Variants in ANKS1B observed in about 807,000 individuals in gnomAD.
ANKS1B encodes ankyrin repeat and sterile alpha motif domain-containing protein 1B.
A neutral mutation model predicts 148.3 loss-of-function variants in ANKS1B; 36 were observed. The observed-to-expected ratio is 0.24, with a 90% CI of 0.19 to 0.32. ANKS1B has a LOEUF of 0.32. Ranked by LOEUF, ANKS1B falls within the 10% of genes least tolerant of loss-of-function variation. The pLI is 1.00. For missense variants in ANKS1B, 1,157 were observed against 1,542.6 expected, an observed-to-expected ratio of 0.75 and a Z score of 4.19; for synonymous variants, 542 against 560.8, an observed-to-expected ratio of 0.97 and a Z score of 0.47.
chr12:98,773,536 C>T (rs1017008697), intron 24 of ANKS1B, among the ~76,000 whole-genome samples: 1 of 152,000 alleles, frequency 6.6e-6, no homozygotes, highest in Non-Finnish European at 1.5e-5. Flanking sequence ...CTCACTGCAG[C>T]CTCCCGCTCC....
At chr12:99,864,956 G>A (rs56102136) in intron 1 of ANKS1B, among the ~76,000 whole-genome samples, 30,569 of 152,054 alleles carry the variant, frequency 0.2, 3,334 homozygotes, top group Non-Finnish European at 0.25. Flanking sequence ...GACAAATGAG[G>A]GTGACCTCAC....
intron 22 of ANKS1B, chr12:98,794,471 C>CA (rs1322320328): frequency 2.5e-6 from 1 of 397,430 alleles, no homozygotes; most frequent in African/African-American, 2.1e-5. Flanking sequence ...GATGGGGACC[C>CA]ATGGGGGTTC....
At chr12:99,745,549 A>C (rs2060514591) in intron 8 of ANKS1B, among the ~76,000 whole-genome samples, 1 of 152,182 alleles carries the variant, frequency 6.6e-6, no homozygotes, top group Non-Finnish European at 1.5e-5. Context: ...TACAAACAGC[A>C]GCCTCAATTT....
At chr12:99,337,014 T>C (rs2089027199) in intron 12 of ANKS1B, among the ~76,000 whole-genome samples, 1 of 152,200 alleles carries the variant, frequency 6.6e-6, no homozygotes, top group East Asian at 1.9e-4. Flanking sequence ...CTTGGTATTC[T>C]ATCACTTTTT....
At chr12:99,352,115 C>T (rs987198628) in intron 12 of ANKS1B, 1 of 151,846 alleles carries the variant, frequency 6.6e-6, no homozygotes, top group South Asian at 2.1e-4. Flanking sequence ...ATGAAAAGTA[C>T]AATTTCTTCT....
intron 14 of ANKS1B, among the ~76,000 whole-genome samples, chr12:99,231,829 A>G (rs1462375291): frequency 6.6e-6 from 1 of 152,052 alleles, no homozygotes; most frequent in Admixed American, 6.6e-5. Flanking sequence ...GGCTGTGAAG[A>G]TGTTTGCTCT....
Position 99,024,803 on chromosome 12 carries a change from G to GC in ANKS1B, c.2778+28353dup, listed in dbSNP as rs775232819. Among the ~76,000 whole-genome samples, 3 of 152,210 alleles carry GC rather than the reference G, an allele frequency of 2.0e-5. No individual in the cohort carries two copies. The East Asian group carries it at 5.8e-4, about 29-fold the overall frequency. On this transcript the variant is annotated intron_variant, in intron 17 of 26. Coordinates refer to ENST00000683438, the MANE Select transcript of ANKS1B (RefSeq NM_001352186.2). ...AACCAAGTTGTGTATCTTCTGTGTG[G>GC]CCTGTACACCCCCAGGGAAAAATAT...
At chr12:99,737,814 T>C (rs993817980) in intron 8 of ANKS1B, among the ~76,000 whole-genome samples, 1 of 152,058 alleles carries the variant, frequency 6.6e-6, no homozygotes, top group Admixed American at 6.6e-5. Context: ...CTCTTTTAGT[T>C]CTAGCAATTC....
At chr12:98,832,405 C>G (rs957905564) in intron 17 of ANKS1B, among the ~76,000 whole-genome samples, 2 of 152,070 alleles carry the variant, frequency 1.3e-5, no homozygotes, top group African/African-American at 4.8e-5. Context: ...AATGCAGCAG[C>G]CTCAAGAGAA....
At chr12:98,870,524 G>T (rs934858097) in intron 17 of ANKS1B, among the ~76,000 whole-genome samples, 2 of 152,172 alleles carry the variant, frequency 1.3e-5, no homozygotes, top group Non-Finnish European at 2.9e-5. Context: ...TTTCAGGCCT[G>T]CCTGGGAGAA....
In ANKS1B at chr12:99,081,534, G is replaced by T. The variant is rs200507799; in HGVS notation, c.2625+3391C>A. Among the ~76,000 whole-genome samples, 15 of 152,264 alleles carry T rather than the reference G, an allele frequency of 9.9e-5. No homozygotes were observed. In the East Asian group the frequency reaches 2.1e-3, roughly 22 times the overall value. On this transcript the variant is annotated intron_variant, in intron 16 of 26. Coordinates refer to ENST00000683438, the MANE Select transcript of ANKS1B (RefSeq NM_001352186.2). Reference sequence around the variant, plus strand: ...CGGGCTCATTACCTAAGAAGGCAAAGCATCAATTTGTGGCATTACAACATT... The same window carrying T: ...CGGGCTCATTACCTAAGAAGGCAAATCATCAATTTGTGGCATTACAACATT...
At chr12:99,762,114 C>T (rs1273381779) in intron 8 of ANKS1B, among the ~76,000 whole-genome samples, 3 of 152,024 alleles carry the variant, frequency 2.0e-5, no homozygotes, top group African/African-American at 7.2e-5. Context: ...ATAAAATGTC[C>T]ACACTACCCA....
intron 14 of ANKS1B, among the ~76,000 whole-genome samples, chr12:99,209,311 G>A (rs934091222): frequency 6.6e-6 from 1 of 152,148 alleles, no homozygotes; most frequent in Non-Finnish European, 1.5e-5. Context: ...CAACAAATTA[G>A]TCTCACTCCA....
At chr12:98,806,200 A>C (rs1187731360) in intron 20 of ANKS1B, among the ~76,000 whole-genome samples, 2 of 152,192 alleles carry the variant, frequency 1.3e-5, no homozygotes, top group Non-Finnish European at 2.9e-5. Flanking sequence ...TTAAGGAAAA[A>C]GTTTCCTAAG....
chr12:99,776,098 C>T (rs563726100), intron 6 of ANKS1B, among the ~76,000 whole-genome samples: 14 of 152,276 alleles, frequency 9.2e-5, no homozygotes, highest in African/African-American at 3.4e-4. Flanking sequence ...GTAACATAAA[C>T]GAATGAAATG....
At chr12:99,076,901 C>T (rs2048038296) in intron 16 of ANKS1B, among the ~76,000 whole-genome samples, 1 of 152,066 alleles carries the variant, frequency 6.6e-6, no homozygotes, top group South Asian at 2.1e-4. Flanking sequence ...GCTATTTTCA[C>T]TCTGCAACAG....
At chr12:99,707,992 T>C (rs1198376541) in intron 8 of ANKS1B, among the ~76,000 whole-genome samples, 5 of 152,070 alleles carry the variant, frequency 3.3e-5, no homozygotes, top group Non-Finnish European at 1.5e-5. Context: ...AGACAAACTG[T>C]CACTTATCAA....
intron 9 of ANKS1B, among the ~76,000 whole-genome samples, chr12:99,549,761 C>G (rs966543860): frequency 6.6e-6 from 1 of 152,166 alleles, no homozygotes; most frequent in African/African-American, 2.4e-5. Context: ...TAAAGAAGAT[C>G]CTGTTAGCCC....
At chr12:99,433,340 G>T (rs2095410407) in intron 11 of ANKS1B, among the ~76,000 whole-genome samples, 1 of 152,114 alleles carries the variant, frequency 6.6e-6, no homozygotes, top group Admixed American at 6.5e-5. Context: ...GAGGTATGAT[G>T]ATGTCATCAC....
Sources: allele counts gnomAD v4.1 joint callset (sites outside exome capture counted in the v4.1 genomes callset), GRCh38; gene constraint gnomAD v4.1.1; transcripts MANE v1.5; gene names NCBI Gene and HGNC (gene_info 2026-07-23, HGNC 2026-07-21).